The following ARHGAP10 variants were observed in gnomAD, a reference collection of about 807,000 sequenced individuals.
The protein encoded by ARHGAP10 is Rho GTPase activating protein 10, also known as rho GTPase-activating protein 10.
In ARHGAP10, 87 loss-of-function variants were observed where a neutral mutation model predicts 108.6. The ratio of observed to expected loss-of-function variants is 0.80; its 90% CI spans 0.67 to 0.96. ARHGAP10 has a LOEUF of 0.96. Ranked by LOEUF, ARHGAP10 falls within the 40% of genes least tolerant of loss-of-function variation. ARHGAP10 has a pLI of 0.00. For missense variants in ARHGAP10, 939 were observed against 954.5 expected (o/e 0.98, Z 0.21); for synonymous variants, 347 against 341.1 (o/e 1.02, Z -0.19).
At chr4:147,735,897 T>C (rs1052761420) in intron 1 of ARHGAP10, among the ~76,000 whole-genome samples, 3 of 152,236 alleles carry the variant, frequency 2.0e-5, no homozygotes, top group African/African-American at 7.2e-5. Context: ...GCCTTCGTGA[T>C]GTCTATGTAG....
intron 13 of ARHGAP10, 86 bp downstream of exon 13, chr4:147,913,225 G>A: frequency 1.6e-6 from 2 of 1,212,216 alleles, no homozygotes; most frequent in South Asian, 1.3e-5. Flanking sequence ...GCTTTTAAGT[G>A]TTACAGAATG....
intron 3 of ARHGAP10, among the ~76,000 whole-genome samples, chr4:147,827,624 C>T (rs1463275813): frequency 1.3e-5 from 2 of 151,890 alleles, no homozygotes; most frequent in Non-Finnish European, 2.9e-5. Context: ...AAAATGGTTG[C>T]CAGTACATTC....
intron 19 of ARHGAP10, among the ~76,000 whole-genome samples, chr4:148,045,453 T>C (rs1461710905): frequency 6.6e-6 from 1 of 152,066 alleles, no homozygotes; most frequent in Non-Finnish European, 1.5e-5. Flanking sequence ...AGAATTGAAA[T>C]CCATCTGGCT....
intron 4 of ARHGAP10, among the ~76,000 whole-genome samples, chr4:147,847,712 G>GT (rs1305444647): frequency 6.6e-6 from 1 of 152,160 alleles, no homozygotes; most frequent in African/African-American, 2.4e-5. Context: ...TATTGTTATG[G>GT]TATTGTGCAT....
At chr4:147,917,468 A>G (rs1203941834) in intron 13 of ARHGAP10, 1 of 152,278 alleles carries the variant, frequency 6.6e-6, no homozygotes, top group East Asian at 1.9e-4. Flanking sequence ...AGCTCCACTT[A>G]CAAGAGGCTT....
intron 16 of ARHGAP10, among the ~76,000 whole-genome samples, chr4:147,957,406 G>A (rs565585687): frequency 5.9e-5 from 9 of 152,198 alleles, no homozygotes; most frequent in South Asian, 2.1e-4. Context: ...TTTAAGGATC[G>A]AATAAAATAG....
At chr4:147,870,541 T>A (rs964032602) in intron 7 of ARHGAP10, among the ~76,000 whole-genome samples, 2 of 146,330 alleles carry the variant, frequency 1.4e-5, no homozygotes, top group African/African-American at 5.0e-5. Context: ...TAATACCTAT[T>A]GTATTGTAAA....
intron 3 of ARHGAP10, among the ~76,000 whole-genome samples, chr4:147,839,118 A>G (rs139844890): frequency 0.016 from 2,401 of 146,998 alleles, 62 homozygotes; most frequent in African/African-American, 0.056. Flanking sequence ...CTATCTATCT[A>G]TCTATCTATC....
chr4:147,829,848 C>G (rs1732875511), intron 3 of ARHGAP10, among the ~76,000 whole-genome samples: 1 of 152,174 alleles, frequency 6.6e-6, no homozygotes, highest in Non-Finnish European at 1.5e-5. Flanking sequence ...TCATCCCTAG[C>G]CTAAAATGGT....
At chr4:148,025,891 C>G (rs916788452) in intron 19 of ARHGAP10, among the ~76,000 whole-genome samples, 3 of 151,962 alleles carry the variant, frequency 2.0e-5, no homozygotes, top group Non-Finnish European at 4.4e-5. Flanking sequence ...TTATAGACAA[C>G]TTTGGTTGAT....
At chr4:147,911,994 CGTGTGTGTGTGTGTGTGTGTGTGT>C (rs36217593) in intron 12 of ARHGAP10, among the ~76,000 whole-genome samples, 9 of 135,434 alleles carry the variant, frequency 6.6e-5, no homozygotes, top group East Asian at 2.2e-4. Context: ...AGAACATTCA[CGTGTGTGTGTGTGTGTGTGTGTGT>C]GTGTGTGTGT....
intron 10 of ARHGAP10, among the ~76,000 whole-genome samples, chr4:147,896,102 T>G (rs1455953284): frequency 6.6e-6 from 1 of 152,226 alleles, no homozygotes. Flanking sequence ...TGTACCTGCT[T>G]CATCCATTTT....
chr4:148,060,620 C>T (rs1246012639), intron 20 of ARHGAP10, among the ~76,000 whole-genome samples: 1 of 152,184 alleles, frequency 6.6e-6, no homozygotes, highest in Middle Eastern at 3.2e-3. Context: ...CCACACATCT[C>T]ATTGCCTCAT....
At chr4:147,968,698 T>G (rs1275540976) in intron 18 of ARHGAP10, among the ~76,000 whole-genome samples, 1 of 152,262 alleles carries the variant, frequency 6.6e-6, no homozygotes, top group Non-Finnish European at 1.5e-5. Flanking sequence ...CACCTGTAGA[T>G]GAGCACTTTG....
intron 18 of ARHGAP10, among the ~76,000 whole-genome samples, chr4:148,009,089 A>G (rs1219726166): frequency 6.6e-6 from 1 of 151,706 alleles, no homozygotes; most frequent in Non-Finnish European, 1.5e-5. Context: ...TCTTTGGGGG[A>G]AAAAAACAAA....
chr4:147,759,911 G>A (rs1729526072), intron 1 of ARHGAP10, among the ~76,000 whole-genome samples: 1 of 152,036 alleles, frequency 6.6e-6, no homozygotes, highest in South Asian at 2.1e-4. Flanking sequence ...ACCATGCCTG[G>A]CTAATTTTTG....
At chr4:147,857,839 TTA>T in intron 5 of ARHGAP10, 185 bp downstream of exon 5, 1 of 382,052 alleles carries the variant, frequency 2.6e-6, no homozygotes, top group Admixed American at 5.3e-5. Flanking sequence ...TGAATACATC[TTA>T]TAGTGATTAA....
chr4:148,059,483 T>C (rs1187567064), intron 20 of ARHGAP10, among the ~76,000 whole-genome samples: 2 of 144,496 alleles, frequency 1.4e-5, no homozygotes, highest in Non-Finnish European at 3.0e-5. Context: ...ATTTTTTAAA[T>C]GTTTAAATTT....
intron 1 of ARHGAP10, among the ~76,000 whole-genome samples, chr4:147,809,916 G>A (rs536684134): frequency 1.3e-4 from 20 of 152,098 alleles, no homozygotes; most frequent in Non-Finnish European, 2.5e-4. Flanking sequence ...TTAGGATAAC[G>A]CTTTTCCAAA....
Sources: allele counts gnomAD v4.1 joint callset (sites outside exome capture counted in the v4.1 genomes callset), GRCh38; gene constraint gnomAD v4.1.1; transcripts MANE v1.5; gene names NCBI Gene and HGNC (gene_info 2026-07-23, HGNC 2026-07-21).